Variants in COPG2 observed in about 807,000 individuals in gnomAD.
COPG2 encodes coatomer subunit gamma-2.
Under a neutral mutation model 46.3 loss-of-function variants are expected in COPG2, and 37 were observed. That is an observed-to-expected ratio of 0.80 (90% CI 0.61 to 1.05). The LOEUF is 1.05. Ranked by LOEUF, COPG2 falls within the 50% of genes least tolerant of loss-of-function variation. COPG2 has a pLI of 0.00. For synonymous variants in COPG2, 159 were observed against 129.7 expected, an observed-to-expected ratio of 1.23 and a Z score of -1.53; for missense variants, 427 against 387.8, an observed-to-expected ratio of 1.10 and a Z score of -0.85.
At chr7:130,532,437 G>C (rs1381725006) in intron 20 of COPG2, among the ~76,000 whole-genome samples, 8 of 152,212 alleles carry the variant, frequency 5.3e-5, no homozygotes, top group East Asian at 1.9e-4. Flanking sequence ...TTGAAGATAT[G>C]GGCGCTAAGG....
At chr7:130,608,484 T>C (rs563849004) in intron 9 of COPG2, among the ~76,000 whole-genome samples, 3 of 152,344 alleles carry the variant, frequency 2.0e-5, no homozygotes, top group South Asian at 2.1e-4. Flanking sequence ...TCCTTCATGA[T>C]GCAGGTATGC....
chr7:130,660,110 A>G (rs1795947554), intron 4 of COPG2, among the ~76,000 whole-genome samples: 2 of 152,116 alleles, frequency 1.3e-5, no homozygotes, highest in African/African-American at 4.8e-5. Flanking sequence ...TTCTGGCAAA[A>G]TCTCTACCTC....
At position 130,621,012 on chromosome 7, in the gene COPG2, G is replaced by C. The variant is rs943877402; in HGVS notation, c.324-3947C>G. On this transcript the variant is annotated intron_variant, in intron 5 of 23. Coordinates refer to ENST00000425248, the MANE Select transcript of COPG2 (RefSeq NM_012133.6). ...GACACTGAGATGGGGAAATTATATTGAATTATTTGGGTGAGTCCTAAATGT... is the reference window on the plus strand; with the variant it reads ...GACACTGAGATGGGGAAATTATATTCAATTATTTGGGTGAGTCCTAAATGT... 3.3e-5 allele frequency among the ~76,000 whole-genome samples: 5 copies of C among 152,134 alleles called. No individual in the cohort carries two copies. In the South Asian group the frequency reaches 1.0e-3, roughly 32 times the overall value.
chr7:130,650,770 G>T (rs1795721469), intron 5 of COPG2, among the ~76,000 whole-genome samples: 1 of 152,182 alleles, frequency 6.6e-6, no homozygotes, highest in Non-Finnish European at 1.5e-5. Flanking sequence ...GGCAGATGGT[G>T]TGGCCTTCCC....
chr7:130,560,928 G>A, intron 12 of COPG2, 105 bp downstream of exon 12: 1 of 397,106 alleles, frequency 2.5e-6, no homozygotes, highest in Non-Finnish European at 4.4e-6. Context: ...TGATAAATTA[G>A]ACTTCATAAA....
At chr7:130,547,530 A>G in intron 20 of COPG2, 144 bp downstream of exon 20, 1 of 396,064 alleles carries the variant, frequency 2.5e-6, no homozygotes, top group Non-Finnish European at 4.4e-6. Context: ...ATATATTCAC[A>G]CACACACAAA....
rs11431866 is a variant in COPG2, at chr7:130,640,158, CTTTTTTT to C, written c.323+12704_323+12710del. Among the ~76,000 whole-genome samples the C allele has an allele frequency of 8.2e-3, 794 of 96,500 alleles. 7 individuals carry two copies. Among genetic ancestry groups the C allele is most frequent in the African/African-American group, 0.027 (753 of 27,660 alleles). 63.3% of individuals were successfully genotyped at this position (96,500 alleles called of 152,430 possible). A position where few individuals can be genotyped will look rare whatever the true frequency, so the allele number is the denominator to read the frequency against. ...TCTCCAGCTTGCAGTCACCACCAAC[CTTTTTTT>C]TTTTTTTTTTTTTTTTGTAAACTGT... On this transcript the variant is annotated intron_variant, in intron 5 of 23. Transcript: ENST00000425248.
rs1382087826 is a variant in COPG2, at chr7:130,557,817, C to CAAAAAAAAAAAA, written c.1129-2697_1129-2686dup. On this transcript the variant is annotated intron_variant, in intron 12 of 23. Coordinates refer to ENST00000425248, the MANE Select transcript of COPG2 (RefSeq NM_012133.6). ...GGGCAGCAAGAATGAAACTCCATCTCAAAAAAAAAAAAAAAAAAAAATCAT... is the reference window on the plus strand; with the variant it reads ...GGGCAGCAAGAATGAAACTCCATCTCAAAAAAAAAAAAAAAAAAAAAAAAAAAAAAAAATCAT... Among the ~76,000 whole-genome samples the CAAAAAAAAAAAA allele has an allele frequency of 6.5e-4, 8 of 12,236 alleles. 1 individual carries two copies. Among genetic ancestry groups the CAAAAAAAAAAAA allele is most frequent in the African/African-American group, 1.7e-3 (4 of 2,376 alleles). The allele number at this position is 12,236 out of a possible 152,430, so 8.0% of individuals were successfully genotyped here.
chr7:130,517,247 C>T (rs1361318012), intron 20 of COPG2, among the ~76,000 whole-genome samples: 1 of 152,122 alleles, frequency 6.6e-6, no homozygotes, highest in Non-Finnish European at 1.5e-5. Context: ...AGCTGGCTAG[C>T]TGAGTAAAGG....
chr7:130,534,910 T>C (rs1799863662), intron 20 of COPG2, among the ~76,000 whole-genome samples: 1 of 152,006 alleles, frequency 6.6e-6, no homozygotes, highest in Non-Finnish European at 1.5e-5. Context: ...CTATAGAGTT[T>C]TGTAGGAACT....
chr7:130,620,055 C>T (rs1049178160), intron 5 of COPG2, among the ~76,000 whole-genome samples: 2 of 152,106 alleles, frequency 1.3e-5, no homozygotes, highest in Non-Finnish European at 2.9e-5. Context: ...ATACAGTATG[C>T]TATTTTAATA....
intron 20 of COPG2, among the ~76,000 whole-genome samples, chr7:130,533,036 G>A (rs1799844130): frequency 6.6e-6 from 1 of 152,096 alleles, no homozygotes; most frequent in East Asian, 1.9e-4. Context: ...AGCAGAGGGT[G>A]AGTTTGCAGC....
chr7:130,519,277 T>C (rs1799706173), intron 20 of COPG2, among the ~76,000 whole-genome samples: 1 of 152,044 alleles, frequency 6.6e-6, no homozygotes, highest in Non-Finnish European at 1.5e-5. Flanking sequence ...ACTGGAGTAT[T>C]TGGTGCTGCC....
chr7:130,641,448 T>C (rs782504929), intron 5 of COPG2, among the ~76,000 whole-genome samples: 23 of 152,128 alleles, frequency 1.5e-4, no homozygotes, highest in Non-Finnish European at 2.2e-4. Flanking sequence ...TTCTGAGCTA[T>C]CATAGGATAA....
intron 6 of COPG2, among the ~76,000 whole-genome samples, chr7:130,616,373 A>T (rs1329308326): frequency 1.3e-5 from 2 of 152,136 alleles, no homozygotes; most frequent in African/African-American, 4.8e-5. Flanking sequence ...GATTATTCTG[A>T]AACTTGAGTT....
chr7:130,636,179 G>A (rs563790938), intron 5 of COPG2, among the ~76,000 whole-genome samples: 164 of 152,282 alleles, frequency 1.1e-3, no homozygotes, highest in African/African-American at 3.2e-3. Flanking sequence ...TGTATATTCC[G>A]TTGATTTGGG....
chr7:130,550,610 T>C lies in COPG2; in HGVS notation c.1688A>G (p.His563Arg), dbSNP rs1336817766. 1 of 397,962 alleles carries C rather than the reference T, an allele frequency of 2.5e-6. No individual in the cohort carries two copies. Among genetic ancestry groups the C allele is most frequent in the Non-Finnish European group, 4.4e-6 (1 of 225,816 alleles). 24.7% of individuals were successfully genotyped at this position (397,962 alleles called of 1,614,324 possible). ...TTCTGAAGGCTCCAACGTGTACTGG[T>C]GTAAGGCTTTTTCCATCCCTGGTAC... is the stretch of plus-strand genomic sequence containing the variant. ...VSVPGMEKAL[H>R]QYTLEPSEKP... The change falls in exon 17 of 24, where the codon CAC (histidine) becomes CGC (arginine). Residue 563 changes from histidine (H) to arginine (R), a missense_variant. Coordinates refer to ENST00000425248, the MANE Select transcript of COPG2 (RefSeq NM_012133.6).
chr7:130,520,054 G>A (rs1259012168), intron 20 of COPG2, among the ~76,000 whole-genome samples: 3 of 152,228 alleles, frequency 2.0e-5, no homozygotes, highest in South Asian at 4.2e-4. Flanking sequence ...GGTATAGATC[G>A]GGATTCTTTG....
intron 4 of COPG2, among the ~76,000 whole-genome samples, chr7:130,658,585 G>A (rs1421141522): frequency 6.6e-6 from 1 of 151,840 alleles, no homozygotes; most frequent in Admixed American, 6.6e-5. Flanking sequence ...GAAAAGGCAA[G>A]CCACAGACTG....
Sources: gnomAD v4.1 joint callset for allele counts (sites outside exome capture counted in the v4.1 genomes callset) on GRCh38, gnomAD v4.1.1 for gene constraint, MANE v1.5 for transcripts, NCBI Gene and HGNC (gene_info 2026-07-23, HGNC 2026-07-21) for gene names.